Variants in SLC7A14 observed in about 807,000 individuals in gnomAD.
SLC7A14 encodes the protein gamma-aminobutyric acid transporter SLC7A14.
In SLC7A14, 37 loss-of-function variants were observed where a neutral mutation model predicts 60.2. That is an observed-to-expected ratio of 0.61 (90% CI 0.47 to 0.81). The LOEUF (loss-of-function observed/expected upper bound fraction) is 0.81. SLC7A14 is among the 30% of genes least tolerant of loss of function. SLC7A14 has a pLI of 0.00. For synonymous variants in SLC7A14, 399 were observed against 395.8 expected, an observed-to-expected ratio of 1.01 and a Z score of -0.10; for missense variants, 886 against 982.7, an observed-to-expected ratio of 0.90 and a Z score of 1.32.
Position 170,463,369 on chromosome 3 carries a change from C to G in SLC7A14, c.*3686G>C, listed in dbSNP as rs1329190969. The G allele has an allele frequency of 6.6e-6, 1 of 152,112 alleles. No homozygotes were observed. Among genetic ancestry groups the G allele is most frequent in the Non-Finnish European group, 1.5e-5 (1 of 68,042 alleles). The allele number at this position is 152,112 out of a possible 1,614,324, so 9.4% of individuals were successfully genotyped here. A position where few individuals can be genotyped will look rare whatever the true frequency, so the allele number is the denominator to read the frequency against. On this transcript the variant is annotated 3_prime_UTR_variant, in exon 8 of 8. Transcript: ENST00000231706. The stretch of plus-strand genomic sequence containing the variant: ...ACTTGATAAAATTCTACCCACTTCA[C>G]AAGTTCCAACACAAGTGTGACATTC...
rs1715357071 is a variant in SLC7A14, at chr3:170,585,450, T to G, written c.-153+461A>C. 6.6e-6 allele frequency among the ~76,000 whole-genome samples: 1 copy of G among 152,162 alleles called. No homozygotes were observed. The highest frequency in any genetic ancestry group is 2.4e-5 in the African/African-American group (1 of 41,448). ...CTGCGGCCGGAAAAGCGTCTCCGTT[T>G]CATGGTCTCGGTCCGAGGCGGAGAA... On this transcript the variant is annotated intron_variant, in intron 1 of 7. Transcript: ENST00000231706. This position sits in a 1 kb window ranked among gnomAD's most constrained non-coding sequence, Gnocchi z 5.1.
chr3:170,488,878 C>T (rs892507102), intron 4 of SLC7A14, among the ~76,000 whole-genome samples: 20 of 151,808 alleles, frequency 1.3e-4, no homozygotes, highest in Non-Finnish European at 1.2e-4. Context: ...TGGAAATAAG[C>T]GGGGTTATAA....
intron 1 of SLC7A14, among the ~76,000 whole-genome samples, chr3:170,553,482 A>G (rs188443845): frequency 3.9e-4 from 60 of 152,220 alleles, no homozygotes; most frequent in Admixed American, 2.8e-3. Context: ...CATCGTCGTC[A>G]TCATCATCAT....
intron 1 of SLC7A14, among the ~76,000 whole-genome samples, chr3:170,583,985 A>C (rs1715306216): frequency 6.6e-6 from 1 of 152,200 alleles, no homozygotes; most frequent in Non-Finnish European, 1.5e-5. Context: ...CAAATACCAA[A>C]ATGAAGGCAT....
intron 1 of SLC7A14, chr3:170,569,952 A>G (rs1714899244): frequency 1.3e-5 from 2 of 152,090 alleles, no homozygotes; most frequent in South Asian, 4.2e-4. Flanking sequence ...TGATCCTTTC[A>G]AAATACCAGC....
chr3:170,533,995 T>C (rs1180628175), intron 1 of SLC7A14, among the ~76,000 whole-genome samples: 1 of 152,270 alleles, frequency 6.6e-6, no homozygotes, highest in African/African-American at 2.4e-5. Flanking sequence ...AATGACTGCA[T>C]ATTTTAGCTA....
At chr3:170,498,375 C>T (rs186476426) in intron 4 of SLC7A14, among the ~76,000 whole-genome samples, 3 of 152,156 alleles carry the variant, frequency 2.0e-5, no homozygotes, top group South Asian at 2.1e-4. Context: ...TGAGATAGTA[C>T]GTGCAAAGAC....
intron 7 of SLC7A14, among the ~76,000 whole-genome samples, chr3:170,478,052 T>A (rs1711679843): frequency 6.6e-6 from 1 of 152,220 alleles, no homozygotes; most frequent in Non-Finnish European, 1.5e-5. Flanking sequence ...GATTGTATTT[T>A]TTTAAAAAGT....
At chr3:170,550,135 G>A (rs184370198) in intron 1 of SLC7A14, among the ~76,000 whole-genome samples, 36 of 152,308 alleles carry the variant, frequency 2.4e-4, no homozygotes, top group South Asian at 1.4e-3. Context: ...AACAGCACAC[G>A]TTGCATTATA....
chr3:170,549,956 T>C (rs1242013126), intron 1 of SLC7A14, among the ~76,000 whole-genome samples: 1 of 152,176 alleles, frequency 6.6e-6, no homozygotes, highest in East Asian at 1.9e-4. Flanking sequence ...CCAAAAGCTG[T>C]GGCTGCTGTG....
At chr3:170,559,669 T>G (rs1453171752) in intron 1 of SLC7A14, among the ~76,000 whole-genome samples, 2 of 152,228 alleles carry the variant, frequency 1.3e-5, no homozygotes, top group African/African-American at 4.8e-5. Context: ...TTCTGATACC[T>G]GGATTAAAAA....
At chr3:170,570,053 A>G (rs1275154203) in intron 1 of SLC7A14, 6 of 152,112 alleles carry the variant, frequency 3.9e-5, no homozygotes, top group Admixed American at 3.9e-4. Flanking sequence ...TGGTAAATTT[A>G]TTCTATTTTC....
At chr3:170,521,291 A>G (rs1713332713) in intron 2 of SLC7A14, among the ~76,000 whole-genome samples, 1 of 152,236 alleles carries the variant, frequency 6.6e-6, no homozygotes, top group South Asian at 2.1e-4. Flanking sequence ...TTCATGTTAT[A>G]AGCTGGTTTG....
intron 2 of SLC7A14, among the ~76,000 whole-genome samples, chr3:170,517,022 A>C (rs1208746461): frequency 6.6e-6 from 1 of 152,168 alleles, no homozygotes; most frequent in Non-Finnish European, 1.5e-5. Context: ...AGGCACAGCA[A>C]AACTGCTTGT....
At position 170,480,732 on chromosome 3, in the gene SLC7A14, G is replaced by C. The variant is rs1299451177; in HGVS notation, c.1550C>G (p.Thr517Ser). The change falls in exon 7 of 8, where the codon ACC (threonine) becomes AGC (serine). Residue 517 changes from threonine to serine, a missense_variant. Physicochemically the swap from Thr to Ser is moderately conservative, Grantham distance 58. Transcript: ENST00000231706. ...GGATTCATCAGCTTCTATGCCTGTGGTCATGTCCACGGTGCCGTAATTGGG... is the reference window on the plus strand; with the variant it reads ...GGATTCATCAGCTTCTATGCCTGTGCTCATGTCCACGGTGCCGTAATTGGG... ...NHPNYGTVDM[T>S]TGIEADESEN... The C allele has an allele frequency of 1.2e-6, 2 of 1,614,060 alleles. No individual in the cohort carries two copies. Among genetic ancestry groups the C allele is most frequent in the Non-Finnish European group, 1.7e-6 (2 of 1,180,040 alleles).
chr3:170,578,392 G>T (rs1353163615), intron 1 of SLC7A14, among the ~76,000 whole-genome samples: 1 of 152,178 alleles, frequency 6.6e-6, no homozygotes, highest in Non-Finnish European at 1.5e-5. Context: ...AAAAAATTGA[G>T]CTAAAATAGA....
intron 1 of SLC7A14, among the ~76,000 whole-genome samples, chr3:170,573,916 G>A (rs1715016691): frequency 6.6e-6 from 1 of 152,102 alleles, no homozygotes; most frequent in African/African-American, 2.4e-5. Flanking sequence ...AAATAGCCTG[G>A]GCCACACTTA....
chr3:170,470,307 C>CGTGTGTGTGTGTGT (rs1553864040), intron 7 of SLC7A14, among the ~76,000 whole-genome samples: 6 of 39,902 alleles, frequency 1.5e-4, no homozygotes, highest in East Asian at 1.0e-3. Context: ...CTGGAAGGAA[C>CGTGTGTGTGTGTGT]ATGTGTGTGT....
intron 2 of SLC7A14, among the ~76,000 whole-genome samples, chr3:170,520,077 G>A (rs1713297865): frequency 6.6e-6 from 1 of 152,244 alleles, no homozygotes; most frequent in Non-Finnish European, 1.5e-5. Flanking sequence ...GCAATTGAAT[G>A]TAATATAATC....
Sources: gnomAD v4.1 joint callset for allele counts (sites outside exome capture counted in the v4.1 genomes callset) on GRCh38, gnomAD v4.1.1 for gene constraint, Gnocchi (gnomAD v3.1) non-coding constraint, MANE v1.5 for transcripts, NCBI Gene and HGNC (gene_info 2026-07-23, HGNC 2026-07-21) for gene names.